NRXN3: variants seen among roughly 807,000 people sequenced by gnomAD.
NRXN3 encodes the protein neurexin 3.
A neutral mutation model predicts 137.6 loss-of-function variants in NRXN3; 32 were observed. The observed-to-expected ratio is 0.23, with a 90% confidence interval of 0.18 to 0.31. The LOEUF (loss-of-function observed/expected upper bound fraction) is 0.31, where lower values mean the gene tolerates loss of function less well. NRXN3 is among the 10% of genes least tolerant of loss of function. NRXN3 has a pLI of 1.00. For missense variants in NRXN3, 1,574 were observed against 2,062.5 expected, an observed-to-expected ratio of 0.76 and a Z score of 4.59; for synonymous variants, 798 against 784.5, an observed-to-expected ratio of 1.02 and a Z score of -0.29.
chr14:78,754,535 A>C (rs1595535345), intron 8 of NRXN3, among the ~76,000 whole-genome samples: 1 of 152,256 alleles, frequency 6.6e-6, no homozygotes, highest in East Asian at 1.9e-4. Context: ...TCTTGGAAGC[A>C]GTCCCTAACT....
At chr14:78,872,656 C>G (rs952700388) in intron 10 of NRXN3, among the ~76,000 whole-genome samples, 1 of 152,118 alleles carries the variant, frequency 6.6e-6, no homozygotes, top group Non-Finnish European at 1.5e-5. Context: ...TTCACTAAAT[C>G]TAAATAGGTG....
At position 78,187,781 on chromosome 14, in the gene NRXN3, GTT is replaced by G. The variant is rs58649555; in HGVS notation, c.-704+17123_-704+17124del. ...TAACTGAACTATTAGGATTTTAGTT[GTT>G]TTTTTTTTTTTTTTTGAGGTTGGGT... is the stretch of plus-strand genomic sequence containing the variant. On this transcript the variant is annotated intron_variant, in intron 1 of 20. Coordinates refer to ENST00000335750, the MANE Select transcript of NRXN3 (RefSeq NM_001330195.2). Among the ~76,000 whole-genome samples the G allele has an allele frequency of 6.1e-3, 813 of 133,694 alleles. 5 individuals carry two copies. Among genetic ancestry groups the G allele is most frequent in the African/African-American group, 0.02 (700 of 35,498 alleles). The allele number at this position is 133,694 out of a possible 152,430, so 87.7% of individuals were successfully genotyped here.
intron 16 of NRXN3, among the ~76,000 whole-genome samples, chr14:79,649,314 A>G (rs1324624029): frequency 6.6e-6 from 1 of 152,132 alleles, no homozygotes; most frequent in African/African-American, 2.4e-5. Context: ...CTCACAAATC[A>G]CTGTTCATCT....
chr14:78,338,702 G>A (rs1043805327), intron 4 of NRXN3, among the ~76,000 whole-genome samples: 3 of 152,126 alleles, frequency 2.0e-5, no homozygotes, highest in East Asian at 1.9e-4. Context: ...TTTATTTTTC[G>A]TGATTCAGTG....
intron 14 of NRXN3, among the ~76,000 whole-genome samples, chr14:78,971,493 A>G (rs1433238886): frequency 6.6e-6 from 1 of 152,066 alleles, no homozygotes; most frequent in Non-Finnish European, 1.5e-5. Flanking sequence ...CATTTAATAT[A>G]TGTTTCCATC....
chr14:78,661,045 G>T (rs958630567), intron 6 of NRXN3, among the ~76,000 whole-genome samples: 13 of 152,308 alleles, frequency 8.5e-5, no homozygotes, highest in African/African-American at 3.1e-4. Flanking sequence ...CTAGTTGGTG[G>T]TTTTTGAGGA....
chr14:78,529,356 G>T (rs2096427721), intron 4 of NRXN3, among the ~76,000 whole-genome samples: 1 of 152,190 alleles, frequency 6.6e-6, no homozygotes, highest in Non-Finnish European at 1.5e-5. Flanking sequence ...CAAATCCCCT[G>T]AGTTGGGTGT....
In NRXN3 at chr14:79,539,779, A is replaced by G. The variant is rs142846382; in HGVS notation, c.3444+72377A>G. On this transcript the variant is annotated intron_variant, in intron 16 of 20. Coordinates refer to ENST00000335750, the MANE Select transcript of NRXN3 (RefSeq NM_001330195.2). The stretch of plus-strand genomic sequence containing the variant: ...TTTCTCTTTTAAAGCCACTTATAGG[A>G]GACAATGCACATTCTGTGTTTTTTC... 6.0e-4 allele frequency among the ~76,000 whole-genome samples: 92 copies of G among 152,302 alleles called. 1 individual carries two copies. The highest frequency in any genetic ancestry group is 2.2e-3 in the African/African-American group (91 of 41,576).
chr14:78,513,756 A>G (rs1417858760), intron 4 of NRXN3, among the ~76,000 whole-genome samples: 1 of 152,116 alleles, frequency 6.6e-6, no homozygotes, highest in Non-Finnish European at 1.5e-5. Flanking sequence ...CCCATCCCAA[A>G]TACCTGGTGT....
chr14:79,583,860 G>C (rs1316166960), intron 16 of NRXN3, among the ~76,000 whole-genome samples: 1 of 152,152 alleles, frequency 6.6e-6, no homozygotes. Context: ...ACAGGAGAGA[G>C]AGAATATGAA....
chr14:79,086,560 C>T (rs1022924782), intron 15 of NRXN3, among the ~76,000 whole-genome samples: 4 of 152,048 alleles, frequency 2.6e-5, no homozygotes, highest in African/African-American at 9.7e-5. Context: ...GAGATTATTA[C>T]TCAGTTGACC....
intron 15 of NRXN3, among the ~76,000 whole-genome samples, chr14:78,995,889 A>G (rs2099529018): frequency 1.3e-5 from 2 of 152,208 alleles, no homozygotes; most frequent in Admixed American, 1.3e-4. Context: ...CTACAAAGCA[A>G]AAATCTCTTA....
At chr14:78,875,043 A>G (rs2099110728) in intron 10 of NRXN3, among the ~76,000 whole-genome samples, 1 of 152,204 alleles carries the variant, frequency 6.6e-6, no homozygotes, top group Admixed American at 6.5e-5. Context: ...GTTGGAGGAA[A>G]TGTGAAGAGG....
chr14:78,609,014 G>A (rs1172857272), intron 4 of NRXN3, among the ~76,000 whole-genome samples: 2 of 152,100 alleles, frequency 1.3e-5, no homozygotes, highest in East Asian at 1.9e-4. Context: ...TTAATACTAC[G>A]GGCATTAAGT....
chr14:79,016,807 T>C (rs1359529759), intron 15 of NRXN3, among the ~76,000 whole-genome samples: 1 of 152,154 alleles, frequency 6.6e-6, no homozygotes, highest in South Asian at 2.1e-4. Context: ...CAGCCAAGGC[T>C]CCTGGGTCTA....
At chr14:78,748,646 A>T (rs1317944087) in intron 8 of NRXN3, among the ~76,000 whole-genome samples, 1 of 152,206 alleles carries the variant, frequency 6.6e-6, no homozygotes, top group African/African-American at 2.4e-5. Flanking sequence ...TAACAGAGAT[A>T]GCGATAAGTG....
chr14:79,484,843 A>T (rs1047475459), intron 16 of NRXN3, among the ~76,000 whole-genome samples: 1 of 152,206 alleles, frequency 6.6e-6, no homozygotes, highest in Non-Finnish European at 1.5e-5. Context: ...TCTGGGGCCC[A>T]CATATTCAGA....
chr14:79,529,254 A>G (rs2097148791), intron 16 of NRXN3, among the ~76,000 whole-genome samples: 1 of 152,182 alleles, frequency 6.6e-6, no homozygotes, highest in South Asian at 2.1e-4. Flanking sequence ...GGCTGCATGC[A>G]CCGGTGGTCA....
At chr14:78,414,479 G>T (rs1247848355) in intron 4 of NRXN3, among the ~76,000 whole-genome samples, 3 of 152,146 alleles carry the variant, frequency 2.0e-5, no homozygotes, top group African/African-American at 7.2e-5. Context: ...AAAATGTTTA[G>T]GCAATTCTGG....
Sources: gnomAD v4.1 joint callset for allele counts (sites outside exome capture counted in the v4.1 genomes callset) on GRCh38, gnomAD v4.1.1 for gene constraint, MANE v1.5 for transcripts, NCBI Gene and HGNC (gene_info 2026-07-23, HGNC 2026-07-21) for gene names.